The following DACH2 variants were observed in gnomAD, a reference collection of about 807,000 sequenced individuals.
DACH2 encodes dachshund family transcription factor 2.
DACH2 carries 17 observed loss-of-function variants against 35.8 expected under a neutral mutation model. The observed-to-expected ratio is 0.48, with a 90% CI of 0.33 to 0.71. The LOEUF is 0.71. DACH2 is among the 30% of genes least tolerant of loss of function. The pLI is 0.02. For synonymous variants in DACH2, 195 were observed against 177.3 expected, an observed-to-expected ratio of 1.10 and a Z score of -0.79; for missense variants, 469 against 472.7, an observed-to-expected ratio of 0.99 and a Z score of 0.07.
At chrX:86,651,316 T>G in intron 4 of DACH2, 149 bp downstream of exon 4, 2 of 523,555 alleles carry the variant, frequency 3.8e-6, no homozygotes, top group Non-Finnish European at 5.7e-6. Flanking sequence ...TTGCTAACAT[T>G]TGTACACTGA....
intron 1 of DACH2, among the ~76,000 whole-genome samples, chrX:86,284,604 G>A (rs1002182066): frequency 9.4e-6 from 1 of 106,688 alleles, no homozygotes; most frequent in Non-Finnish European, 1.9e-5. Flanking sequence ...AATCAGAGTA[G>A]TACTGGTTTC....
chrX:86,570,193 T>C (rs766211238), intron 3 of DACH2, among the ~76,000 whole-genome samples: 1 of 111,526 alleles, frequency 9.0e-6, no homozygotes, highest in East Asian at 2.9e-4. Flanking sequence ...TCCTCAAAGA[T>C]TTAGAACTGG....
intron 6 of DACH2, among the ~76,000 whole-genome samples, chrX:86,720,241 C>T (rs1718273993): frequency 9.0e-6 from 1 of 110,525 alleles, no homozygotes; most frequent in Non-Finnish European, 1.9e-5. Context: ...CTGGCCTAGT[C>T]CCCACAAATG....
intron 7 of DACH2, among the ~76,000 whole-genome samples, chrX:86,742,360 T>C (rs2041665658): frequency 9.0e-6 from 1 of 111,182 alleles, no homozygotes; most frequent in African/African-American, 3.2e-5. Context: ...CAGAAAGTTA[T>C]ATTATCTATT....
chrX:86,750,735 C>T (rs1253631312), intron 7 of DACH2, among the ~76,000 whole-genome samples: 2 of 111,880 alleles, frequency 1.8e-5, no homozygotes, highest in Non-Finnish European at 3.8e-5. Flanking sequence ...AAATGTCCAC[C>T]AGGTTCATCC....
At chrX:86,268,366 G>T (rs753656901) in intron 1 of DACH2, among the ~76,000 whole-genome samples, 1 of 110,921 alleles carries the variant, frequency 9.0e-6, no homozygotes, top group Admixed American at 9.6e-5. Context: ...AACAAATTTT[G>T]AGCTAGGCAC....
At chrX:86,742,240 A>G (rs1026613534) in intron 7 of DACH2, among the ~76,000 whole-genome samples, 3 of 110,844 alleles carry the variant, frequency 2.7e-5, no homozygotes, top group Non-Finnish European at 5.7e-5. Flanking sequence ...TTTTATTAAT[A>G]GGGCTACATA....
chrX:86,256,170 C>A (rs2033515496), intron 1 of DACH2, among the ~76,000 whole-genome samples: 1 of 111,071 alleles, frequency 9.0e-6, no homozygotes. Flanking sequence ...AGTGAGGTAC[C>A]TCTTTTAGGG....
intron 2 of DACH2, among the ~76,000 whole-genome samples, chrX:86,474,318 G>A (rs991685533): frequency 5.4e-5 from 6 of 111,456 alleles, no homozygotes; most frequent in African/African-American, 2.0e-4. Context: ...TGTGGGTTGT[G>A]TCTTTGTTGA....
chrX:86,599,123 G>C (rs908185526), intron 3 of DACH2, among the ~76,000 whole-genome samples: 8 of 111,036 alleles, frequency 7.2e-5, no homozygotes, highest in Non-Finnish European at 1.3e-4. Context: ...TCCCTACAAA[G>C]GACATGAACT....
chrX:86,267,644 G>T (rs1403846848), intron 1 of DACH2, among the ~76,000 whole-genome samples: 1 of 111,786 alleles, frequency 8.9e-6, no homozygotes. Flanking sequence ...AAACGATGTG[G>T]TCAGCATCAA....
intron 2 of DACH2, among the ~76,000 whole-genome samples, chrX:86,403,882 AG>A (rs1229919116): frequency 9.0e-6 from 1 of 111,023 alleles, no homozygotes; most frequent in Non-Finnish European, 1.9e-5. Context: ...AGGGCTTGGG[AG>A]GACTCAGGAG....
chrX:86,608,923 T>C (rs1267163642), intron 3 of DACH2, among the ~76,000 whole-genome samples: 1 of 111,873 alleles, frequency 8.9e-6, no homozygotes, highest in African/African-American at 3.2e-5. Context: ...CTTTGGAAGT[T>C]TGATTATTAA....
chrX:86,814,933 A>C, intron 10 of DACH2, 99 bp downstream of exon 10: 1 of 912,254 alleles, frequency 1.1e-6, no homozygotes, highest in African/African-American at 2.0e-5. Flanking sequence ...GCAGAAAGAA[A>C]GGAAGGGAGA....
intron 1 of DACH2, among the ~76,000 whole-genome samples, chrX:86,165,169 C>T (rs188998748): frequency 6.3e-4 from 70 of 110,595 alleles, no homozygotes; most frequent in South Asian, 3.8e-3. Context: ...TCACTGTATT[C>T]GTAGGTATTT....
intron 1 of DACH2, among the ~76,000 whole-genome samples, chrX:86,154,042 A>G (rs2030459852): frequency 8.9e-6 from 1 of 111,754 alleles, no homozygotes; most frequent in African/African-American, 3.2e-5. Context: ...TTTACACAGG[A>G]AATACCTAGT....
At chrX:86,704,255 G>A in intron 5 of DACH2, among the ~76,000 whole-genome samples, 1 of 111,418 alleles carries the variant, frequency 9.0e-6, no homozygotes, top group Admixed American at 9.5e-5. Context: ...GTAGAAGAAT[G>A]AAACTAGATC....
At chrX:86,454,341 G>C (rs1357660055) in intron 2 of DACH2, among the ~76,000 whole-genome samples, 1 of 111,538 alleles carries the variant, frequency 9.0e-6, no homozygotes, top group African/African-American at 3.3e-5. Flanking sequence ...TGTTGGGGAA[G>C]TTCTTCTGGA....
chrX:86,491,961 A>G (rs1357275130), intron 2 of DACH2, among the ~76,000 whole-genome samples: 1 of 111,736 alleles, frequency 8.9e-6, no homozygotes, highest in Admixed American at 9.6e-5. Flanking sequence ...TTTAACATCA[A>G]CATACCCTAT....
Sources: gnomAD v4.1 joint callset for allele counts (sites outside exome capture counted in the v4.1 genomes callset) on GRCh38, gnomAD v4.1.1 for gene constraint, MANE v1.5 for transcripts, NCBI Gene and HGNC (gene_info 2026-07-23, HGNC 2026-07-21) for gene names.